The following TNIP3 variants were observed in gnomAD, a reference collection of about 807,000 sequenced individuals.
TNIP3 encodes the protein TNFAIP3 interacting protein 3.
TNIP3 carries 34 observed loss-of-function variants against 54.1 expected under a neutral mutation model. The observed-to-expected ratio is 0.63, with a 90% CI of 0.48 to 0.84. TNIP3 has a LOEUF of 0.84. TNIP3 is among the 40% of genes least tolerant of loss of function. TNIP3 has a pLI of 0.00. For synonymous variants in TNIP3, 134 were observed against 136.8 expected (o/e 0.98, Z 0.14); for missense variants, 366 against 387.6 (o/e 0.94, Z 0.47).
At position 121,195,621 on chromosome 4, in the gene TNIP3, T is replaced by C. The variant is rs201728866; in HGVS notation, c.69-12825A>G. 3.9e-5 allele frequency among the ~76,000 whole-genome samples: 6 copies of C among 152,356 alleles called. No individual in the cohort carries two copies. In the East Asian group the frequency reaches 1.2e-3, roughly 29 times the overall value. On this transcript the variant is annotated intron_variant, in intron 2 of 12. Coordinates refer to the TNIP3 transcript ENST00000507879. The stretch of plus-strand genomic sequence containing the variant: ...AATTAAAAGTTATTTGTATTAAAAT[T>C]GTTTGGAATAAAATTATTTGTTGTT...
chr4:121,137,115 C>G (rs1255472444), intron 10 of TNIP3, among the ~76,000 whole-genome samples: 1 of 152,054 alleles, frequency 6.6e-6, no homozygotes, highest in Admixed American at 6.6e-5. Context: ...ATTGGTCCAG[C>G]AAGAATCTAA....
At chr4:121,182,820 T>C (rs1228719167) in intron 2 of TNIP3, 1 of 1,533,608 alleles carries the variant, frequency 6.5e-7, no homozygotes, top group Admixed American at 2.0e-5. Flanking sequence ...CATGGGAAAG[T>C]TACATTATAC....
At chr4:121,209,714 A>AT (rs1313027170) in intron 2 of TNIP3, among the ~76,000 whole-genome samples, 1 of 152,136 alleles carries the variant, frequency 6.6e-6, no homozygotes, top group African/African-American at 2.4e-5. Flanking sequence ...AAGATCTTCT[A>AT]TTTTTTATTC....
At chr4:121,178,468 A>T (rs1298797834) in intron 3 of TNIP3, among the ~76,000 whole-genome samples, 1 of 152,220 alleles carries the variant, frequency 6.6e-6, no homozygotes, top group Non-Finnish European at 1.5e-5. Context: ...GTTTGGTTGC[A>T]TTTGGAGTTC....
intron 3 of TNIP3, among the ~76,000 whole-genome samples, chr4:121,180,054 G>C (rs1435130840): frequency 6.6e-6 from 1 of 151,944 alleles, no homozygotes; most frequent in East Asian, 1.9e-4. Context: ...GTGAGAAGGA[G>C]AGACCAGAGA....
At chr4:121,178,653 C>A (rs1043541886) in intron 3 of TNIP3, among the ~76,000 whole-genome samples, 4 of 152,164 alleles carry the variant, frequency 2.6e-5, no homozygotes, top group African/African-American at 9.7e-5. Context: ...AGCTTCCATA[C>A]AAGAACTGAG....
chr4:121,219,920 C>A (rs1309328688), upstream of TNIP3, among the ~76,000 whole-genome samples: 1 of 152,136 alleles, frequency 6.6e-6, no homozygotes, highest in East Asian at 1.9e-4. Context: ...GAAACTGTTT[C>A]ATTTCACTAT....
Position 121,147,654 on chromosome 4 carries a change from T to C in TNIP3, c.610-480A>G, listed in dbSNP as rs1044591934. ...CTAAAAACAAAAACAGGTTTAATTA[T>C]TGTTACTGTTTTCAACTGACTTACT... On this transcript the variant is annotated intron_variant, in intron 6 of 10. Transcript: ENST00000057513. 4.6e-5 allele frequency among the ~76,000 whole-genome samples: 7 copies of C among 152,216 alleles called. No homozygotes were observed. In the South Asian group the frequency reaches 6.2e-4, roughly 14 times the overall value.
chr4:121,153,262 A>G (rs1477571666), intron 5 of TNIP3, among the ~76,000 whole-genome samples: 2 of 152,198 alleles, frequency 1.3e-5, no homozygotes. Flanking sequence ...GTGAACTACA[A>G]ATATGGATAC....
upstream of TNIP3, among the ~76,000 whole-genome samples, chr4:121,164,794 A>G (rs1730665117): frequency 6.6e-6 from 1 of 152,220 alleles, no homozygotes; most frequent in South Asian, 2.1e-4. Context: ...AATCTTCTAT[A>G]TTGGCAGAAA....
At chr4:121,163,317 G>A (rs552966068) in intron 1 of TNIP3, among the ~76,000 whole-genome samples, 44 of 152,234 alleles carry the variant, frequency 2.9e-4, no homozygotes, top group African/African-American at 1.0e-3. Flanking sequence ...CAAAGGTTTG[G>A]GGGACCTTTT....
intron 3 of TNIP3, among the ~76,000 whole-genome samples, chr4:121,177,814 T>A (rs1724450817): frequency 6.6e-6 from 1 of 152,236 alleles, no homozygotes; most frequent in Non-Finnish European, 1.5e-5. Flanking sequence ...AGAATGCTAT[T>A]GTGTAAATAG....
At position 121,201,834 on chromosome 4, in the gene TNIP3, A is replaced by G. The variant is rs1025258873; in HGVS notation, c.68+14581T>C. On this transcript the variant is annotated intron_variant, in intron 2 of 12. Coordinates refer to the TNIP3 transcript ENST00000507879. ...TATGTAAATTAAGGAAACTGCCTAA[A>G]CTCCAACATTGAAATCATATAATTT... 5.9e-5 allele frequency among the ~76,000 whole-genome samples: 9 copies of G among 152,270 alleles called. 1 individual carries two copies. The Middle Eastern group carries it at 0.01, about 173-fold the overall frequency.
rs1560653334 is a variant in TNIP3, at chr4:121,157,156, C to T, written c.301G>A (p.Asp101Asn). The part of the protein sequence containing the change: ...KDPHQRQRKD[D>N]RQREDDRQRD... ...TGCCTGTCGTCCTCTCTCTGCCTGTCGTCCTTTCTCTGCCTCTGATGCGGA... is the reference window on the plus strand; with the variant it reads ...TGCCTGTCGTCCTCTCTCTGCCTGTTGTCCTTTCTCTGCCTCTGATGCGGA... Residue 101 changes from aspartate (D) to asparagine (N), a missense_variant, in exon 4 of 11, where the codon GAC (aspartate) becomes AAC (asparagine). Asp to Asn is a conservative substitution (Grantham distance 23, BLOSUM62 1). Coordinates refer to ENST00000057513, the MANE Select transcript of TNIP3 (RefSeq NM_024873.6). 1.3e-6 allele frequency: 2 copies of T among 1,517,068 alleles called. No individual in the cohort carries two copies. Among genetic ancestry groups the T allele is most frequent in the Non-Finnish European group, 1.8e-6 (2 of 1,124,072 alleles). 94.0% of individuals were successfully genotyped at this position (1,517,068 alleles called of 1,614,324 possible).
chr4:121,144,056 A>G (rs1424931465), intron 7 of TNIP3, among the ~76,000 whole-genome samples: 2 of 152,226 alleles, frequency 1.3e-5, no homozygotes, highest in Admixed American at 1.3e-4. Flanking sequence ...TGTATCACAA[A>G]GCACCACAAG....
At chr4:121,137,861 T>A in intron 10 of TNIP3, 1 of 445,774 alleles carries the variant, frequency 2.2e-6, no homozygotes, top group Middle Eastern at 4.0e-4. Flanking sequence ...GTGTGTCATA[T>A]GAGACTTTAA....
At chr4:121,145,646 AAAT>A (rs1254123449) in intron 7 of TNIP3, among the ~76,000 whole-genome samples, 2 of 149,648 alleles carry the variant, frequency 1.3e-5, no homozygotes, top group Admixed American at 6.7e-5. Context: ...TATCATATAA[AAAT>A]AAATTATTAA....
intron 1 of TNIP3, among the ~76,000 whole-genome samples, chr4:121,223,335 A>G (rs1486663679): frequency 6.6e-6 from 1 of 152,240 alleles, no homozygotes; most frequent in Non-Finnish European, 1.5e-5. Context: ...ATTTTGTTTT[A>G]TAACTATGCA....
chr4:121,177,175 C>T (rs1228212424), intron 3 of TNIP3, among the ~76,000 whole-genome samples: 1 of 152,188 alleles, frequency 6.6e-6, no homozygotes, highest in African/African-American at 2.4e-5. Context: ...ACTGCAGATT[C>T]ATATATTATT....
Sources: gnomAD v4.1 joint callset for allele counts (sites outside exome capture counted in the v4.1 genomes callset) on GRCh38, gnomAD v4.1.1 for gene constraint, MANE v1.5 for transcripts, NCBI Gene and HGNC (gene_info 2026-07-23, HGNC 2026-07-21) for gene names.